ZNF469: variants seen among roughly 807,000 people sequenced by gnomAD.
ZNF469 encodes zinc finger protein 469.
In ZNF469, 1 loss-of-function variant was observed where a neutral mutation model predicts 1.0. That is an observed-to-expected ratio of 1.00 (90% CI 0.35 to 4.73). ZNF469 has a LOEUF of 4.73. ZNF469 is among the 30% of genes most tolerant of loss of function. The pLI is 0.16. For synonymous variants in ZNF469, 2,703 were observed against 2,363.4 expected (o/e 1.14, Z -4.17); for missense variants, 6,100 against 5,356.3 (o/e 1.14, Z -4.33).
intron 1 of ZNF469, among the ~76,000 whole-genome samples, chr16:88,397,626 T>TATAAATAA (rs1416857054): frequency 0.23 from 34,052 of 146,216 alleles, 4,286 homozygotes; most frequent in African/African-American, 0.33. Context: ...GATGGGTGGA[T>TATAAATAA]GGATGGATGG....
the ZNF469 span, among the ~76,000 whole-genome samples, chr16:88,206,796 A>G: frequency 2.4e-4 from 31 of 129,610 alleles, no homozygotes; most frequent in Non-Finnish European, 2.7e-4. Context: ...TGGGAACGGA[A>G]GGGAGGGGAG....
At chr16:88,422,006 C>T (rs932700702) in intron 1 of ZNF469, among the ~76,000 whole-genome samples, 1 of 147,774 alleles carries the variant, frequency 6.8e-6, no homozygotes, top group African/African-American at 2.5e-5. Context: ...AGGGGATGGG[C>T]AGGTGGGTAG....
the ZNF469 span, among the ~76,000 whole-genome samples, chr16:88,230,573 C>T: frequency 2.3e-5 from 3 of 132,420 alleles, no homozygotes; most frequent in Admixed American, 2.3e-4. Flanking sequence ...GAGCAGGTGT[C>T]GCTGTGGGTA....
the ZNF469 span, among the ~76,000 whole-genome samples, chr16:88,229,433 A>C: frequency 2.6e-5 from 4 of 152,218 alleles, no homozygotes; most frequent in Non-Finnish European, 5.9e-5. Flanking sequence ...ACGAGGTTGG[A>C]GGCAGCTTGT....
chr16:88,172,286 GGA>G, the ZNF469 span, among the ~76,000 whole-genome samples: 10 of 152,342 alleles, frequency 6.6e-5, no homozygotes, highest in Admixed American at 2.6e-4. Flanking sequence ...CCACCCGAAA[GGA>G]GCAGGCAGAA....
intron 1 of ZNF469, among the ~76,000 whole-genome samples, chr16:88,402,967 C>T (rs184295882): frequency 1.2e-3 from 189 of 152,362 alleles, no homozygotes; most frequent in African/African-American, 4.0e-3. Context: ...AAGGCCAGCC[C>T]GGCCCGGGAA....
chr16:88,151,731 G>T, the ZNF469 span, among the ~76,000 whole-genome samples: 1 of 152,192 alleles, frequency 6.6e-6, no homozygotes, highest in Non-Finnish European at 1.5e-5. The surrounding 1 kb of genome is among the most constrained non-coding windows in gnomAD (Gnocchi z 5.4). Flanking sequence ...CCAACCTGCT[G>T]GTCGAGAAGG....
At chr16:88,209,747 T>G in the ZNF469 span, among the ~76,000 whole-genome samples, 3 of 152,246 alleles carry the variant, frequency 2.0e-5, no homozygotes, top group African/African-American at 7.2e-5. Context: ...CCTTATTCTT[T>G]TTTACAGCTG....
At chr16:88,260,628 C>G in the ZNF469 span, among the ~76,000 whole-genome samples, 19 of 152,154 alleles carry the variant, frequency 1.2e-4, no homozygotes, top group African/African-American at 4.1e-4. This position sits in a 1 kb window ranked among gnomAD's most constrained non-coding sequence, Gnocchi z 4.1. Context: ...CAATCATGCT[C>G]GCGGCTCCGT....
At position 88,427,972 on chromosome 16, in the gene ZNF469, A is replaced by G; in HGVS notation, c.502A>G (p.Arg168Gly). ...AGCTCCACTCAGGCCGGGCCTCCCA[A>G]GGACTGAGGCCCAACCCGCCGCCGA... ...TGAPLRPGLP[R>G]TEAQPAAEEL... Residue 168 changes from arginine to glycine, a missense_variant, in exon 3 of 3, where the codon AGG becomes GGG. Transcript: ENST00000565624. 1 of 1,549,914 alleles carries G rather than the reference A, an allele frequency of 6.5e-7. No homozygotes were observed. Among genetic ancestry groups the G allele is most frequent in the Non-Finnish European group, 8.7e-7 (1 of 1,146,858 alleles).
chr16:88,257,984 C>T, the ZNF469 span, among the ~76,000 whole-genome samples: 2 of 152,196 alleles, frequency 1.3e-5, no homozygotes, highest in African/African-American at 2.4e-5. Context: ...GACCCGTGTG[C>T]CCACATGCTG....
chr16:88,222,254 C>CA, the ZNF469 span, among the ~76,000 whole-genome samples: 1 of 152,226 alleles, frequency 6.6e-6, no homozygotes, highest in Non-Finnish European at 1.5e-5. Flanking sequence ...TCCCAGAGCT[C>CA]ACAGCCTGGA....
At position 88,434,334 on chromosome 16, in the gene ZNF469, G is replaced by A; in HGVS notation, c.6864G>A (p.Leu2288=). The A allele has an allele frequency of 6.5e-7, 1 of 1,550,248 alleles. No individual in the cohort carries two copies. Among genetic ancestry groups the A allele is most frequent in the Non-Finnish European group, 8.7e-7 (1 of 1,146,962 alleles). ...SPSVAVRATG[L]SSTPTGDEAQ... ...GCGTGGCCGTCAGGGCTACTGGCCT[G>A]TCCAGCACTCCCACCGGAGATGAGG... Residue 2288 remains leucine (L), a synonymous_variant, in exon 3 of 3, where the codon CTG becomes CTA. Coordinates refer to ENST00000565624, the MANE Select transcript of ZNF469 (RefSeq NM_001367624.2).
intron 1 of ZNF469, among the ~76,000 whole-genome samples, chr16:88,392,816 C>G (rs1479554101): frequency 6.6e-6 from 1 of 152,222 alleles, no homozygotes; most frequent in Non-Finnish European, 1.5e-5. Flanking sequence ...CAACATCGCC[C>G]TGCCTTTCCT....
At chr16:88,112,795 T>TTTGG in the ZNF469 span, among the ~76,000 whole-genome samples, 1 of 114,856 alleles carries the variant, frequency 8.7e-6, no homozygotes. Flanking sequence ...TTTTTTTTTT[T>TTTGG]GAGATGGAGT....
the ZNF469 span, among the ~76,000 whole-genome samples, chr16:88,293,077 C>A: frequency 3.4e-3 from 516 of 152,290 alleles, 3 homozygotes; most frequent in African/African-American, 0.012. Flanking sequence ...AAACTGAGGC[C>A]TGTGGATGGT....
the ZNF469 span, among the ~76,000 whole-genome samples, chr16:88,152,265 C>T: frequency 2.0e-5 from 3 of 152,258 alleles, no homozygotes; most frequent in Non-Finnish European, 4.4e-5. This position sits in a 1 kb window ranked among gnomAD's most constrained non-coding sequence, Gnocchi z 4.2. Context: ...GGCCCTAACG[C>T]GTAACCCTCT....
chr16:88,404,382 G>C (rs925409177), intron 1 of ZNF469, among the ~76,000 whole-genome samples: 18 of 152,244 alleles, frequency 1.2e-4, no homozygotes, highest in South Asian at 4.1e-4. Flanking sequence ...GGCGGTGCGT[G>C]TGCTGTTAGT....
In ZNF469 at chr16:88,430,416, G is replaced by A; in HGVS notation, c.2946G>A (p.Arg982=). 1 of 1,519,768 alleles carries A rather than the reference G, an allele frequency of 6.6e-7. No individual in the cohort carries two copies. 94.1% of individuals were successfully genotyped at this position (1,519,768 alleles called of 1,614,324 possible). A position where few individuals can be genotyped will look rare whatever the true frequency, so the allele number is the denominator to read the frequency against. ...GGRASGLRPR[R]NDGLGERPPP... ...GAGCCTCCGGCCTGAGGCCCCGGAG[G>A]AACGACGGTCTCGGGGAGCGGCCCC... Residue 982 remains arginine, a synonymous_variant, in exon 3 of 3, where the codon AGG becomes AGA. Transcript: ENST00000565624.
Sources: allele counts gnomAD v4.1 joint callset (sites outside exome capture counted in the v4.1 genomes callset), GRCh38; gene constraint gnomAD v4.1.1; non-coding constraint Gnocchi (gnomAD v3.1); transcripts MANE v1.5; gene names NCBI Gene and HGNC (gene_info 2026-07-23, HGNC 2026-07-21).